The following RARB variants were observed in gnomAD, a reference collection of about 807,000 sequenced individuals.
The protein encoded by RARB is HBV-activated protein.
In RARB, 17 loss-of-function variants were observed where a neutral mutation model predicts 51.9. That is an observed-to-expected ratio of 0.33 (90% CI 0.22 to 0.49). The LOEUF (loss-of-function observed/expected upper bound fraction) is 0.49, where lower values mean the gene tolerates loss of function less well. Among genes scored for constraint, RARB ranks in the 20% least tolerant of loss-of-function variants. The pLI is 0.99. For synonymous variants in RARB, 215 were observed against 195.4 expected (o/e 1.10, Z -0.84); for missense variants, 369 against 550.8 (o/e 0.67, Z 3.30).
intron 5 of RARB, among the ~76,000 whole-genome samples, chr3:25,370,895 C>A (rs1488805466): frequency 6.6e-6 from 1 of 152,108 alleles, no homozygotes; most frequent in Non-Finnish European, 1.5e-5. Flanking sequence ...CTTTCCTTTC[C>A]TCTTTGAGCT....
chr3:25,375,636 T>C (rs1375172222), intron 5 of RARB, among the ~76,000 whole-genome samples: 1 of 152,188 alleles, frequency 6.6e-6, no homozygotes, highest in Non-Finnish European at 1.5e-5. Flanking sequence ...ACTTGGATTC[T>C]TGAGGGGTCT....
intron 2 of RARB, among the ~76,000 whole-genome samples, chr3:25,043,839 C>G (rs1488161083): frequency 6.6e-6 from 1 of 152,124 alleles, no homozygotes; most frequent in African/African-American, 2.4e-5. Flanking sequence ...CAATAAAAAG[C>G]AATCATTTCA....
At chr3:25,125,436 C>A (rs1360368688) in intron 3 of RARB, among the ~76,000 whole-genome samples, 1 of 152,094 alleles carries the variant, frequency 6.6e-6, no homozygotes, top group Non-Finnish European at 1.5e-5. Context: ...TAAAGACACA[C>A]AAAATTGCAG....
chr3:25,596,559 C>T lies in RARB; in HGVS notation c.1290C>T (p.Ser430=), dbSNP rs778100288. Residue 430 remains serine (S), a synonymous_variant, in exon 8 of 8, where the codon AGC becomes AGT. Transcript: ENST00000330688. Reference sequence around the variant, plus strand: ...GGAACACAGCAGAGCACAGTCCTAGCATCTCACCCAGCTCAGTGGAAAACA... The same window carrying T: ...GGAACACAGCAGAGCACAGTCCTAGTATCTCACCCAGCTCAGTGGAAAACA... The part of the protein sequence containing the change: ...SSGNTAEHSP[S]ISPSSVENSG... The T allele has an allele frequency of 4.3e-6, 7 of 1,613,730 alleles. No homozygotes were observed. In the African/African-American group the frequency reaches 9.3e-5, roughly 22 times the overall value.
At chr3:25,086,338 A>T (rs1403537449) in intron 3 of RARB, among the ~76,000 whole-genome samples, 1 of 152,094 alleles carries the variant, frequency 6.6e-6, no homozygotes, top group Non-Finnish European at 1.5e-5. Flanking sequence ...ATCTTACAAG[A>T]TTTCCCATCT....
intron 5 of RARB, among the ~76,000 whole-genome samples, chr3:25,303,939 A>G (rs2125429091): frequency 6.6e-6 from 1 of 152,274 alleles, no homozygotes; most frequent in East Asian, 1.9e-4. Context: ...CATATCCAAT[A>G]TACTCCTGAG....
chr3:25,035,730 C>A (rs2125292362), intron 2 of RARB, among the ~76,000 whole-genome samples: 1 of 152,268 alleles, frequency 6.6e-6, no homozygotes, highest in South Asian at 2.1e-4. Flanking sequence ...CTCAGCTCTG[C>A]CCTTGTAGTA....
upstream of RARB, among the ~76,000 whole-genome samples, chr3:25,426,800 G>A (rs1480959732): frequency 6.6e-6 from 1 of 152,192 alleles, no homozygotes; most frequent in Non-Finnish European, 1.5e-5. Flanking sequence ...TGGCTGCAGG[G>A]TAGATTGGCT....
intron 2 of RARB, among the ~76,000 whole-genome samples, chr3:25,051,589 G>A (rs1303595456): frequency 1.1e-5 from 1 of 87,294 alleles, no homozygotes; most frequent in Non-Finnish European, 2.7e-5. Context: ...ATAAAAATAA[G>A]ACTACACATT....
At chr3:25,123,585 T>C (rs1168231022) in intron 3 of RARB, among the ~76,000 whole-genome samples, 1 of 152,318 alleles carries the variant, frequency 6.6e-6, no homozygotes, top group African/African-American at 2.4e-5. Context: ...TCATATAACC[T>C]AACACCTAAT....
At chr3:25,507,585 A>C (rs959427643) in intron 3 of RARB, among the ~76,000 whole-genome samples, 1 of 152,148 alleles carries the variant, frequency 6.6e-6, no homozygotes, top group Admixed American at 6.5e-5. Flanking sequence ...GGCTTTTGCC[A>C]GTGAAAAAGG....
At chr3:25,255,213 C>A (rs1056522045) in intron 5 of RARB, among the ~76,000 whole-genome samples, 4 of 152,136 alleles carry the variant, frequency 2.6e-5, no homozygotes, top group Non-Finnish European at 5.9e-5. Context: ...TAGATCAACA[C>A]AAATATGAAT....
chr3:25,095,663 G>A (rs552511753), intron 3 of RARB, among the ~76,000 whole-genome samples: 10 of 152,200 alleles, frequency 6.6e-5, no homozygotes, highest in Admixed American at 3.3e-4. Flanking sequence ...TGTAGGTTGC[G>A]AACAGCAAGA....
At chr3:25,591,457 G>T (rs1701611441) in intron 5 of RARB, among the ~76,000 whole-genome samples, 1 of 152,224 alleles carries the variant, frequency 6.6e-6, no homozygotes, top group Admixed American at 6.5e-5. Flanking sequence ...GAGGTGTCTA[G>T]GTTTGACTAT....
At chr3:25,047,006 T>G (rs1348954505) in intron 2 of RARB, among the ~76,000 whole-genome samples, 2 of 152,248 alleles carry the variant, frequency 1.3e-5, no homozygotes, top group African/African-American at 4.8e-5. Context: ...TCTTAAATTT[T>G]TCTTCAAATT....
intron 4 of RARB, among the ~76,000 whole-genome samples, chr3:25,162,829 A>G (rs905240930): frequency 3.3e-5 from 5 of 152,212 alleles, no homozygotes; most frequent in Non-Finnish European, 5.9e-5. Context: ...CAATTAATGG[A>G]CACTTGGATT....
chr3:25,313,682 C>T (rs1352228793), intron 5 of RARB, among the ~76,000 whole-genome samples: 2 of 152,250 alleles, frequency 1.3e-5, no homozygotes, highest in East Asian at 3.9e-4. Flanking sequence ...TTTGGAGGAT[C>T]TAAGGTTTAT....
chr3:25,316,913 G>T (rs930973943), intron 5 of RARB, among the ~76,000 whole-genome samples: 2 of 152,164 alleles, frequency 1.3e-5, no homozygotes, highest in African/African-American at 4.8e-5. Flanking sequence ...CTCATTGTAC[G>T]ATGAAGAAGT....
In RARB at chr3:25,047,082, T is replaced by C. The variant is rs557271709; in HGVS notation, c.-379-13043T>C. ...CTCCAGTGTCTCATGTGGCAAATGA[T>C]AATATTATTCTAAATTCTCTTCCAT... On this transcript the variant is annotated intron_variant, in intron 2 of 11. Transcript: ENST00000383772. 3.3e-5 allele frequency among the ~76,000 whole-genome samples: 5 copies of C among 152,330 alleles called. No individual in the cohort carries two copies. In the South Asian group the frequency reaches 1.0e-3, roughly 32 times the overall value.
Sources: gnomAD v4.1 joint callset for allele counts (sites outside exome capture counted in the v4.1 genomes callset) on GRCh38, gnomAD v4.1.1 for gene constraint, MANE v1.5 for transcripts, NCBI Gene and HGNC (gene_info 2026-07-23, HGNC 2026-07-21) for gene names.